TRIQK: variants seen among roughly 807,000 people sequenced by gnomAD.
TRIQK encodes triple QxxK/R motif-containing protein.
In TRIQK, 10 loss-of-function variants were observed where a neutral mutation model predicts 10.8. That is an observed-to-expected ratio of 0.92 (90% CI 0.57 to 1.57). The LOEUF is 1.57. TRIQK is among the 40% of genes most tolerant of loss of function. The probability of loss-of-function intolerance (pLI) is 0.00; values close to 1 mark genes in which losing one functional copy is unlikely to be tolerated. For missense variants in TRIQK, 107 were observed against 97.7 expected (o/e 1.09, Z -0.40); for synonymous variants, 33 against 33.7 (o/e 0.98, Z 0.07).
chr8:92,916,732 G>A (rs540970814), intron 3 of TRIQK, among the ~76,000 whole-genome samples, 197 bp downstream of exon 3: 4 of 151,930 alleles, frequency 2.6e-5, no homozygotes, highest in Admixed American at 6.5e-5. Flanking sequence ...CTGAAAAATC[G>A]TAAGTACATG....
At chr8:92,955,532 T>C (rs1812125662) in intron 1 of TRIQK, among the ~76,000 whole-genome samples, 1 of 151,672 alleles carries the variant, frequency 6.6e-6, no homozygotes, top group African/African-American at 2.4e-5. Context: ...GTCTCTTAGA[T>C]ACAACACCAA....
intron 1 of TRIQK, among the ~76,000 whole-genome samples, chr8:92,977,362 C>G (rs1030718438): frequency 1.1e-4 from 17 of 152,012 alleles, no homozygotes; most frequent in Middle Eastern, 3.4e-3. Context: ...ATACTTTTCT[C>G]TTTTTTTCTC....
intron 1 of TRIQK, among the ~76,000 whole-genome samples, chr8:92,986,894 A>C (rs1813039230): frequency 6.6e-6 from 1 of 152,154 alleles, no homozygotes; most frequent in Non-Finnish European, 1.5e-5. Context: ...GTCCTCTAAT[A>C]ATCTAGAAAT....
chr8:92,892,485 G>T (rs890765673), intron 3 of TRIQK, among the ~76,000 whole-genome samples: 62 of 151,866 alleles, frequency 4.1e-4, no homozygotes, highest in Admixed American at 1.1e-3. Context: ...ATTTTATTAT[G>T]GATACGTTAA....
At chr8:92,915,952 ATTAT>A (rs1480879480) in intron 3 of TRIQK, among the ~76,000 whole-genome samples, 1 of 151,852 alleles carries the variant, frequency 6.6e-6, no homozygotes, top group Non-Finnish European at 1.5e-5. Flanking sequence ...TTTGGTATCA[ATTAT>A]TTATATTTAT....
intron 1 of TRIQK, among the ~76,000 whole-genome samples, chr8:92,982,462 C>T (rs931272180): frequency 1.3e-5 from 2 of 151,938 alleles, no homozygotes; most frequent in Non-Finnish European, 2.9e-5. Flanking sequence ...GTGTACAAAA[C>T]AAGACAACAT....
intron 1 of TRIQK, among the ~76,000 whole-genome samples, chr8:93,003,140 G>T (rs1479295581): frequency 1.3e-5 from 2 of 152,076 alleles, no homozygotes; most frequent in Non-Finnish European, 2.9e-5. Context: ...TTATGTGGGT[G>T]TATCCATCTG....
intron 3 of TRIQK, among the ~76,000 whole-genome samples, chr8:92,893,319 T>C (rs762030706): frequency 6.6e-6 from 1 of 152,036 alleles, no homozygotes; most frequent in Non-Finnish European, 1.5e-5. Context: ...TTTATGTCCA[T>C]TAGACACATA....
At chr8:92,939,678 C>T (rs1479021854) in intron 2 of TRIQK, among the ~76,000 whole-genome samples, 2 of 152,142 alleles carry the variant, frequency 1.3e-5, no homozygotes, top group East Asian at 3.9e-4. Flanking sequence ...ACACAGCCAA[C>T]AAACCCACCC....
chr8:93,000,228 A>G (rs902828859), intron 1 of TRIQK, among the ~76,000 whole-genome samples: 2 of 152,220 alleles, frequency 1.3e-5, no homozygotes, highest in African/African-American at 4.8e-5. Context: ...AATGGTCACA[A>G]ATAACTATAT....
At chr8:92,928,538 G>A (rs1049569057) in intron 2 of TRIQK, among the ~76,000 whole-genome samples, 11 of 152,100 alleles carry the variant, frequency 7.2e-5, no homozygotes, top group Non-Finnish European at 1.5e-4. Flanking sequence ...AGAATCTTAG[G>A]GGCTAAAGTA....
chr8:92,930,253 G>A (rs1810644371), intron 2 of TRIQK, among the ~76,000 whole-genome samples: 1 of 150,870 alleles, frequency 6.6e-6, no homozygotes, highest in African/African-American at 2.4e-5. Context: ...AACTGGTCTT[G>A]GTGGTGCATG....
chr8:92,895,608 G>C (rs1014858920), intron 3 of TRIQK, among the ~76,000 whole-genome samples: 2 of 152,166 alleles, frequency 1.3e-5, no homozygotes, highest in Non-Finnish European at 2.9e-5. Context: ...CCATTTTGAT[G>C]AGGTCTCAGA....
At chr8:93,011,205 C>CACACATATAT (rs769949767) in intron 1 of TRIQK, among the ~76,000 whole-genome samples, 133 of 121,570 alleles carry the variant, frequency 1.1e-3, no homozygotes, top group African/African-American at 3.6e-3. Context: ...CACACACACA[C>CACACATATAT]ATATATATAT....
chr8:92,991,027 G>A (rs1274246371), intron 1 of TRIQK, among the ~76,000 whole-genome samples: 1 of 152,180 alleles, frequency 6.6e-6, no homozygotes, highest in Admixed American at 6.5e-5. Flanking sequence ...TTCCAGCACA[G>A]CAGTCTGAAG....
At chr8:93,003,710 A>C (rs543132284) in intron 1 of TRIQK, among the ~76,000 whole-genome samples, 1 of 152,318 alleles carries the variant, frequency 6.6e-6, no homozygotes, top group South Asian at 2.1e-4. Context: ...GTAAAATCAA[A>C]AACAAGTTAA....
chr8:92,904,741 C>G (rs1809159695), intron 3 of TRIQK, among the ~76,000 whole-genome samples: 1 of 152,088 alleles, frequency 6.6e-6, no homozygotes, highest in Non-Finnish European at 1.5e-5. Context: ...CTTCACAACC[C>G]CACAGTATAT....
intron 2 of TRIQK, among the ~76,000 whole-genome samples, chr8:92,933,074 C>T (rs1357016436): frequency 1.3e-5 from 2 of 152,038 alleles, no homozygotes; most frequent in Non-Finnish European, 2.9e-5. Context: ...TTCTAATAAA[C>T]TGATACTGTT....
At chr8:92,935,370 G>C (rs922407470) in intron 2 of TRIQK, among the ~76,000 whole-genome samples, 1 of 151,784 alleles carries the variant, frequency 6.6e-6, no homozygotes, top group Non-Finnish European at 1.5e-5. Context: ...TCAGGGTTTT[G>C]GTTAAAAGCG....
Sources: allele counts gnomAD v4.1 joint callset (sites outside exome capture counted in the v4.1 genomes callset), GRCh38; gene constraint gnomAD v4.1.1; transcripts MANE v1.5; gene names NCBI Gene and HGNC (gene_info 2026-07-23, HGNC 2026-07-21).